DMD: variants seen among roughly 807,000 people sequenced by gnomAD.
DMD encodes dystrophin.
A neutral mutation model predicts 330.1 loss-of-function variants in DMD; 63 were observed. The observed-to-expected ratio is 0.19, with a 90% confidence interval of 0.16 to 0.24. The LOEUF is 0.24. Among genes scored for constraint, DMD ranks in the 10% least tolerant of loss-of-function variants. The pLI is 1.00. For missense variants in DMD, 3,344 were observed against 2,684.1 expected, an observed-to-expected ratio of 1.25 and a Z score of -5.43; for synonymous variants, 1,223 against 959.8, an observed-to-expected ratio of 1.27 and a Z score of -5.07.
intron 44 of DMD, among the ~76,000 whole-genome samples, chrX:32,117,410 C>G (rs901439496): frequency 6.3e-5 from 7 of 111,921 alleles, no homozygotes; most frequent in African/African-American, 2.3e-4. Context: ...TAATACGGTT[C>G]CACAGAATCC....
chrX:32,652,183 C>A (rs1297946348), intron 9 of DMD, among the ~76,000 whole-genome samples: 2 of 110,123 alleles, frequency 1.8e-5, no homozygotes, highest in Non-Finnish European at 3.8e-5. Flanking sequence ...ATGTGCACAA[C>A]GTTCAGGTTT....
At chrX:32,016,011 T>C (rs1470788093) in intron 44 of DMD, among the ~76,000 whole-genome samples, 1 of 111,741 alleles carries the variant, frequency 8.9e-6, no homozygotes, top group Non-Finnish European at 1.9e-5. Context: ...GAGCAGCAGG[T>C]GCTGGTGCTG....
intron 11 of DMD, among the ~76,000 whole-genome samples, chrX:32,624,508 A>G (rs754179188): frequency 3.8e-4 from 42 of 111,971 alleles, no homozygotes; most frequent in Non-Finnish European, 6.6e-4. Flanking sequence ...ATATTGTTAG[A>G]TAACAGACAT....
At chrX:32,549,316 T>C (rs748667487) in intron 16 of DMD, among the ~76,000 whole-genome samples, 1 of 111,667 alleles carries the variant, frequency 9.0e-6, no homozygotes, top group African/African-American at 3.2e-5. Flanking sequence ...TTCACAGGTG[T>C]GTTACAAGCA....
At chrX:32,743,486 T>A (rs1251070578) in intron 7 of DMD, among the ~76,000 whole-genome samples, 4 of 111,236 alleles carry the variant, frequency 3.6e-5, no homozygotes, top group Non-Finnish European at 7.5e-5. Flanking sequence ...GTAACATCGA[T>A]ATCTGAGCCA....
intron 62 of DMD, among the ~76,000 whole-genome samples, chrX:31,285,019 A>G (rs1176559576): frequency 9.0e-6 from 1 of 111,132 alleles, no homozygotes; most frequent in African/African-American, 3.3e-5. Context: ...TCAGTCTGCC[A>G]ATGTACGTAG....
intron 29 of DMD, among the ~76,000 whole-genome samples, chrX:32,425,018 A>T (rs1603633173): frequency 8.9e-6 from 1 of 111,825 alleles, no homozygotes; most frequent in East Asian, 2.8e-4. Context: ...GGTTCTAAAT[A>T]AAATTATTTT....
At position 32,917,948 on chromosome X, in the gene DMD, A is replaced by T. The variant is rs771633417; in HGVS notation, c.94-68128T>A. Among the ~76,000 whole-genome samples the T allele has an allele frequency of 4.7e-5, 5 of 107,373 alleles. No homozygotes were observed. The South Asian group carries it at 2.1e-3, about 46-fold the overall frequency. 93.2% of individuals were successfully genotyped at this position (107,373 alleles called of 115,157 possible). ...GCTGCTCTGCAGGTATCATCACTAG[A>T]CCACAGATAAACTCAATAACATTCA... On this transcript the variant is annotated intron_variant, in intron 2 of 78. Transcript: ENST00000357033.
At chrX:31,189,239 G>A (rs778777593) in intron 67 of DMD, among the ~76,000 whole-genome samples, 1 of 111,603 alleles carries the variant, frequency 9.0e-6, no homozygotes, top group Non-Finnish European at 1.9e-5. Context: ...TCAATTGTGA[G>A]GTTTGTGAAA....
intron 57 of DMD, among the ~76,000 whole-genome samples, chrX:31,495,957 G>A: frequency 8.9e-6 from 1 of 112,190 alleles, no homozygotes; most frequent in Non-Finnish European, 1.9e-5. Context: ...TCTGGCTACT[G>A]AGTACTTGGA....
At chrX:31,882,815 A>G (rs2094095004) in intron 47 of DMD, among the ~76,000 whole-genome samples, 1 of 111,945 alleles carries the variant, frequency 8.9e-6, no homozygotes, top group East Asian at 2.8e-4. Context: ...GGTTAAAAGG[A>G]TAAAGGTTGA....
intron 9 of DMD, among the ~76,000 whole-genome samples, chrX:32,668,072 C>G (rs1818512565): frequency 9.0e-6 from 1 of 110,603 alleles, no homozygotes; most frequent in African/African-American, 3.3e-5. Context: ...TCGCTTGAGC[C>G]CAGGAGGCGG....
At chrX:32,288,503 C>A (rs1230416714) in intron 42 of DMD, among the ~76,000 whole-genome samples, 2 of 111,455 alleles carry the variant, frequency 1.8e-5, no homozygotes, top group South Asian at 3.8e-4. Context: ...GGTTATAGAA[C>A]TACCTATCTA....
chrX:32,550,915 C>A (rs1423555025), intron 16 of DMD, among the ~76,000 whole-genome samples: 2 of 110,973 alleles, frequency 1.8e-5, no homozygotes, highest in Non-Finnish European at 3.8e-5. Flanking sequence ...TAGAAACTTA[C>A]AACTTTCCAA....
intron 57 of DMD, among the ~76,000 whole-genome samples, chrX:31,488,518 G>A (rs1603248252): frequency 9.0e-6 from 1 of 111,528 alleles, no homozygotes; most frequent in South Asian, 3.8e-4. Flanking sequence ...ACACTCAAAC[G>A]TGATCATTCC....
rs1426702536 is a variant in DMD, at chrX:32,529,376, C to CA, written c.2169-11246dup. ...GCGCGAATTCCACCTTGGCAAAAAT[C>CA]AACTTTTTTTTTTTTTTTTTTTTTT... On this transcript the variant is annotated intron_variant, in intron 17 of 78. Coordinates refer to ENST00000357033, the MANE Select transcript of DMD (RefSeq NM_004006.3). 6.1e-4 allele frequency among the ~76,000 whole-genome samples: 45 copies of CA among 73,678 alleles called. 3 individuals carry two copies. Among genetic ancestry groups the CA allele is most frequent in the African/African-American group, 2.0e-3 (38 of 19,020 alleles). The allele number at this position is 73,678 out of a possible 115,157, so 64.0% of individuals were successfully genotyped here.
chrX:31,493,783 G>A (rs1433578165), intron 57 of DMD, among the ~76,000 whole-genome samples: 2 of 111,992 alleles, frequency 1.8e-5, no homozygotes, highest in Non-Finnish European at 3.8e-5. Flanking sequence ...ATTGTAGGGT[G>A]GCAAGAGTAG....
At chrX:32,859,817 T>A (rs1377960916) in intron 2 of DMD, among the ~76,000 whole-genome samples, 3 of 111,571 alleles carry the variant, frequency 2.7e-5, no homozygotes, top group African/African-American at 9.8e-5. Flanking sequence ...AGAACAATAT[T>A]TTTTCTTTAA....
Position 32,586,186 on chromosome X carries a change from C to T in DMD, c.1602+9571G>A, listed in dbSNP as rs5928024. Among the ~76,000 whole-genome samples, 920 of 110,689 alleles carry T rather than the reference C, an allele frequency of 8.3e-3. 3 individuals carry two copies. The highest frequency in any genetic ancestry group is 0.019 in the Middle Eastern group (4 of 213). ...AGTAAATAAAATAAAAAATCCAGTT[C>T]CTCAAGCATACCAGTCACAATTCAA... On this transcript the variant is annotated intron_variant, in intron 13 of 78. Coordinates refer to ENST00000357033, the MANE Select transcript of DMD (RefSeq NM_004006.3).
Sources: allele counts gnomAD v4.1 joint callset (sites outside exome capture counted in the v4.1 genomes callset), GRCh38; gene constraint gnomAD v4.1.1; transcripts MANE v1.5; gene names NCBI Gene and HGNC (gene_info 2026-07-23, HGNC 2026-07-21).